Variants in PFKFB3 observed in about 807,000 individuals in gnomAD.
The protein encoded by PFKFB3 is 6-phosphofructo-2-kinase/fructose-2,6-bisphosphatase 3.
In PFKFB3, 33 loss-of-function variants were observed where a neutral mutation model predicts 68.0. The ratio of observed to expected loss-of-function variants is 0.49; its 90% CI spans 0.37 to 0.65. The LOEUF (loss-of-function observed/expected upper bound fraction) is 0.65. Ranked by LOEUF, PFKFB3 falls within the 30% of genes least tolerant of loss-of-function variation. PFKFB3 has a pLI of 0.00. For synonymous variants in PFKFB3, 315 were observed against 288.2 expected (o/e 1.09, Z -0.94); for missense variants, 586 against 712.2 (o/e 0.82, Z 2.02).
intron 14 of PFKFB3, among the ~76,000 whole-genome samples, chr10:6,244,238 G>C (rs761631946): frequency 6.6e-6 from 1 of 152,164 alleles, no homozygotes; most frequent in Non-Finnish European, 1.5e-5. Context: ...ATGAAGAGCA[G>C]ACATCAACTC....
the PFKFB3 span, among the ~76,000 whole-genome samples, chr10:6,291,289 G>C: frequency 6.6e-6 from 1 of 152,258 alleles, no homozygotes; most frequent in African/African-American, 2.4e-5. Flanking sequence ...GTTCAGGCTG[G>C]GCGTGGTGGC....
In PFKFB3 at chr10:6,228,270, G is replaced by A. The variant is rs781447225; in HGVS notation, c.1515+1905G>A. The stretch of plus-strand genomic sequence containing the variant: ...TGCTTGCACTGCTTTCTTCCTGCTT[G>A]CTCATTTGGCCTCCTGCCTGTTAAA... On this transcript the variant is annotated intron_variant, in intron 14 of 14. Coordinates refer to ENST00000379775, the MANE Select transcript of PFKFB3 (RefSeq NM_004566.4). This position sits in a 1 kb window ranked among gnomAD's most constrained non-coding sequence, Gnocchi z 4.5. The A allele has an allele frequency of 3.7e-6, 6 of 1,603,272 alleles. No individual in the cohort carries two copies. The highest frequency in any genetic ancestry group is 1.3e-5 in the African/African-American group (1 of 74,750).
At chr10:6,258,094 G>A (rs1010905996), downstream of PFKFB3, among the ~76,000 whole-genome samples, 2 of 152,216 alleles carry the variant, frequency 1.3e-5, no homozygotes, top group Non-Finnish European at 2.9e-5. Context: ...TAAGAAGGAA[G>A]TAGAGTTCAA....
chr10:6,180,813 GCTTTA>G (rs1458833227), intron 1 of PFKFB3, among the ~76,000 whole-genome samples: 1 of 152,148 alleles, frequency 6.6e-6, no homozygotes, highest in Non-Finnish European at 1.5e-5. Flanking sequence ...TGTTCTGAGT[GCTTTA>G]CTTTTAATGA....
rs1237074359 is a variant in PFKFB3, at chr10:6,229,899, G to A, written c.1516-2996G>A. ...GGAACGCACAGCCTAGATCCCTCGT[G>A]TGTGCTCCTCCGAGTCAGGTGGTAA... On this transcript the variant is annotated intron_variant, in intron 14 of 14. Coordinates refer to ENST00000379775, the MANE Select transcript of PFKFB3 (RefSeq NM_004566.4). The surrounding 1 kb of genome is among the most constrained non-coding windows in gnomAD (Gnocchi z 4.3). Among the ~76,000 whole-genome samples, 5 of 152,108 alleles carry A rather than the reference G, an allele frequency of 3.3e-5. No homozygotes were observed. The highest frequency in any genetic ancestry group is 3.3e-4 in the Admixed American group (5 of 15,282).
intron 1 of PFKFB3, 70 bp from the exon 2 acceptor site, chr10:6,213,553 T>C: frequency 6.6e-7 from 1 of 1,523,494 alleles, no homozygotes; most frequent in Non-Finnish European, 8.9e-7. Context: ...GTGTTATTGT[T>C]GGGTGTGGCC....
chr10:6,202,889 C>G, upstream of PFKFB3: 1 of 1,084,002 alleles, frequency 9.2e-7, no homozygotes, highest in South Asian at 2.8e-5. Flanking sequence ...GCGTCTGCGG[C>G]CAGCCCGGAC....
the PFKFB3 span, among the ~76,000 whole-genome samples, chr10:6,298,719 G>C: frequency 9.9e-5 from 15 of 152,150 alleles, no homozygotes; most frequent in Admixed American, 9.8e-4. Flanking sequence ...ATCTTGGGCA[G>C]CTGTTCAGGA....
intron 14 of PFKFB3, among the ~76,000 whole-genome samples, chr10:6,245,490 C>T (rs990438517): frequency 1.1e-4 from 16 of 151,910 alleles, no homozygotes; most frequent in African/African-American, 3.4e-4. Context: ...GATCAGGGCT[C>T]ACTGCAGTCT....
chr10:6,280,263 G>A, the PFKFB3 span, among the ~76,000 whole-genome samples: 1 of 152,336 alleles, frequency 6.6e-6, no homozygotes, highest in East Asian at 1.9e-4. Flanking sequence ...TGTAGTACTT[G>A]CCGCCTTATT....
At chr10:6,241,842 C>G (rs1398147254) in intron 14 of PFKFB3, among the ~76,000 whole-genome samples, 1 of 143,272 alleles carries the variant, frequency 7.0e-6, no homozygotes, top group African/African-American at 2.6e-5. Flanking sequence ...TTTTTGCTTT[C>G]TTTTCTTTTT....
the PFKFB3 span, chr10:6,293,200 T>C: frequency 2.1e-6 from 1 of 472,514 alleles, no homozygotes; most frequent in East Asian, 5.8e-5. Context: ...TAATAGTAAC[T>C]CGAGTCCCAG....
chr10:6,301,690 C>G, the PFKFB3 span, among the ~76,000 whole-genome samples: 1 of 152,200 alleles, frequency 6.6e-6, no homozygotes, highest in East Asian at 1.9e-4. Flanking sequence ...AGCAGCTCAG[C>G]TCAAAGGGCG....
intron 14 of PFKFB3, 124 bp downstream of exon 14, chr10:6,226,489 G>T: frequency 1.2e-6 from 1 of 855,670 alleles, no homozygotes; most frequent in Non-Finnish European, 1.8e-6. Context: ...GTGCGCGTGC[G>T]TATGTTGTAG....
chr10:6,169,524 C>G (rs1321576043), intron 1 of PFKFB3, among the ~76,000 whole-genome samples: 2 of 152,072 alleles, frequency 1.3e-5, no homozygotes, highest in African/African-American at 4.8e-5. Context: ...TGATCTTGGG[C>G]CATTGTGTCT....
intron 1 of PFKFB3, among the ~76,000 whole-genome samples, chr10:6,204,176 C>G (rs1471329591): frequency 6.6e-6 from 1 of 152,272 alleles, no homozygotes; most frequent in Non-Finnish European, 1.5e-5. Flanking sequence ...CGAGCTCCAC[C>G]TCAGCTGCGG....
intron 1 of PFKFB3, among the ~76,000 whole-genome samples, chr10:6,185,171 C>CATCA (rs370806109): frequency 1.5e-4 from 23 of 152,354 alleles, no homozygotes; most frequent in African/African-American, 5.5e-4. Flanking sequence ...CCTTGAGACA[C>CATCA]ATCACTCTCT....
chr10:6,292,744 A>T, the PFKFB3 span, among the ~76,000 whole-genome samples: 1 of 152,140 alleles, frequency 6.6e-6, no homozygotes, highest in African/African-American at 2.4e-5. Flanking sequence ...AGCACTTCTC[A>T]TGGCCTAGGA....
At chr10:6,303,816 G>T in the PFKFB3 span, among the ~76,000 whole-genome samples, 1 of 128,990 alleles carries the variant, frequency 7.8e-6, no homozygotes, top group South Asian at 2.5e-4. Context: ...AAAAAAAAAA[G>T]AAAATGGAAA....
Sources: gnomAD v4.1 joint callset for allele counts (sites outside exome capture counted in the v4.1 genomes callset) on GRCh38, gnomAD v4.1.1 for gene constraint, Gnocchi (gnomAD v3.1) non-coding constraint, MANE v1.5 for transcripts, NCBI Gene and HGNC (gene_info 2026-07-23, HGNC 2026-07-21) for gene names.